Variants in PCDHGB5 observed in about 807,000 individuals in gnomAD.
PCDHGB5 encodes the protein protocadherin gamma subfamily B, 5, also known as protocadherin gamma-B5.
In PCDHGB5, 48 loss-of-function variants were observed where a neutral mutation model predicts 62.9. The ratio of observed to expected loss-of-function variants is 0.76; its 90% CI spans 0.61 to 0.97. The LOEUF is 0.97. Ranked by LOEUF, PCDHGB5 falls within the 50% of genes least tolerant of loss-of-function variation. The pLI is 0.00. For synonymous variants in PCDHGB5, 474 were observed against 511.2 expected (o/e 0.93, Z 0.98); for missense variants, 1,118 against 1,198.6 (o/e 0.93, Z 0.99).
In PCDHGB5 at chr5:141,430,592, C is replaced by G; in HGVS notation, c.2397+30068C>G. The G allele has an allele frequency of 9.2e-6, 5 of 544,570 alleles. No individual in the cohort carries two copies. In the South Asian group the frequency reaches 3.1e-4, roughly 34 times the overall value. The allele number at this position is 544,570 out of a possible 1,614,324, so 33.7% of individuals were successfully genotyped here. ...AAGCGGAGATCCTGCTCGCCTTGCACGCGCCTGAAGCACAAAGCAGATAGC... is the reference window on the plus strand; with the variant it reads ...AAGCGGAGATCCTGCTCGCCTTGCAGGCGCCTGAAGCACAAAGCAGATAGC... On this transcript the variant is annotated intron_variant, in intron 1 of 3. Coordinates refer to ENST00000617380, the MANE Select transcript of PCDHGB5 (RefSeq NM_018925.3).
At chr5:141,401,102 G>C (rs1372226488) in intron 1 of PCDHGB5, among the ~76,000 whole-genome samples, 3 of 152,150 alleles carry the variant, frequency 2.0e-5, no homozygotes, top group Non-Finnish European at 4.4e-5. Context: ...CCAGCACTTT[G>C]GGAGGCCGAG....
At chr5:141,426,432 C>T (rs1239073805) in intron 1 of PCDHGB5, 2 of 295,812 alleles carry the variant, frequency 6.8e-6, no homozygotes, top group African/African-American at 2.2e-5. Flanking sequence ...TGGTGGGGAA[C>T]CTTGCGGAGG....
chr5:141,433,352 T>C (rs976015031), intron 1 of PCDHGB5: 16 of 614,162 alleles, frequency 2.6e-5, no homozygotes, highest in Non-Finnish European at 3.7e-5. Flanking sequence ...AGCCACCTAC[T>C]GTCTGCCTAT....
At chr5:141,403,118 C>A (rs780657795) in intron 1 of PCDHGB5, 2 of 1,614,058 alleles carry the variant, frequency 1.2e-6, no homozygotes. Context: ...GGCTCTGGAG[C>A]CCCGGGAGCT....
Position 141,491,636 on chromosome 5 carries a change from C to T in PCDHGB5, c.2398-3171C>T. ...AGACCCCTCAGCGTTCAGCAGCCCA[C>T]AGCTCTGGCGCTGGAGCCTGACGCC... On this transcript the variant is annotated intron_variant, in intron 1 of 3. Coordinates refer to ENST00000617380, the MANE Select transcript of PCDHGB5 (RefSeq NM_018925.3). This position sits in a 1 kb window ranked among gnomAD's most constrained non-coding sequence, Gnocchi z 6.9. 6.2e-7 allele frequency: 1 copy of T among 1,613,922 alleles called. No homozygotes were observed. Among genetic ancestry groups the T allele is most frequent in the Non-Finnish European group, 8.5e-7 (1 of 1,180,020 alleles).
chr5:141,404,435 A>G, intron 1 of PCDHGB5: 2 of 1,613,032 alleles, frequency 1.2e-6, no homozygotes, highest in South Asian at 2.2e-5. Flanking sequence ...GGCAGAGGAT[A>G]CCATCCAAGG....
At chr5:141,438,633 TATACAC>T (rs1275936248) in intron 1 of PCDHGB5, among the ~76,000 whole-genome samples, 1,035 of 33,718 alleles carry the variant, frequency 0.031, 6 homozygotes, top group African/African-American at 0.063. Context: ...TATATATATA[TATACAC>T]ACACACACAC....
At chr5:141,484,889 TC>T (rs1312115219) in intron 1 of PCDHGB5, 2 of 362,958 alleles carry the variant, frequency 5.5e-6, no homozygotes, top group Admixed American at 8.9e-5. Flanking sequence ...GTGGGCTTTT[TC>T]CCCTCCAATG....
rs2097368013 is a variant in PCDHGB5 at position 141,431,382 on chromosome 5, A to G, written c.2397+30858A>G. 6 of 1,613,756 alleles carry G rather than the reference A, an allele frequency of 3.7e-6. No homozygotes were observed. In the East Asian group the frequency reaches 1.1e-4, roughly 30 times the overall value. On this transcript the variant is annotated intron_variant, in intron 1 of 3. Transcript: ENST00000617380. This position sits in a 1 kb window ranked among gnomAD's most constrained non-coding sequence, Gnocchi z 4.8. ...CTGGACCGCGAAGAAAAGGCTGCTC[A>G]CCACCTGGTCCTTACGGCCTCCGAC... is the stretch of plus-strand genomic sequence containing the variant.
intron 1 of PCDHGB5, chr5:141,478,233 TG>T (rs1467423955): frequency 3.7e-6 from 6 of 1,614,126 alleles, no homozygotes; most frequent in Non-Finnish European, 5.1e-6. Flanking sequence ...GTGGGGTTTG[TG>T]GTCACAGTGT....
chr5:141,415,375 G>A (rs1453832867), intron 1 of PCDHGB5: 12 of 1,614,258 alleles, frequency 7.4e-6, no homozygotes, highest in South Asian at 1.1e-5. Context: ...GGCTTCAGGA[G>A]GCGGCTTGAC....
chr5:141,421,395 G>A (rs2096569109), intron 1 of PCDHGB5: 1 of 1,613,950 alleles, frequency 6.2e-7, no homozygotes, highest in Admixed American at 1.7e-5. Flanking sequence ...TGGGGCTGGA[G>A]CCCCGGGAGC....
intron 2 of PCDHGB5, among the ~76,000 whole-genome samples, chr5:141,495,662 C>G (rs545912968): frequency 6.6e-6 from 1 of 152,138 alleles, no homozygotes; most frequent in Admixed American, 6.6e-5. Flanking sequence ...TGATCTGTGC[C>G]GCCCACTGTG....
chr5:141,419,300 T>G (rs2096356436), intron 1 of PCDHGB5: 3 of 1,613,998 alleles, frequency 1.9e-6, no homozygotes, highest in Non-Finnish European at 2.5e-6. Context: ...TGACCCAGAC[T>G]TCGGGCTCAA....
rs1418195492 is a variant in PCDHGB5 at position 141,431,459 on chromosome 5, G to T, written c.2397+30935G>T. 4 of 1,613,692 alleles carry T rather than the reference G, an allele frequency of 2.5e-6. No homozygotes were observed. The highest frequency in any genetic ancestry group is 3.4e-6 in the Non-Finnish European group (4 of 1,179,994). Reference sequence around the variant, plus strand: ...CGCGCGCATCCGCGTGATGGTTCTGGATGCGAACGACAACGCACCAGCGTT... The same window carrying T: ...CGCGCGCATCCGCGTGATGGTTCTGTATGCGAACGACAACGCACCAGCGTT... On this transcript the variant is annotated intron_variant, in intron 1 of 3. Transcript: ENST00000617380. This position sits in a 1 kb window ranked among gnomAD's most constrained non-coding sequence, Gnocchi z 4.8.
chr5:141,451,212 G>A (rs2098710632), intron 1 of PCDHGB5, among the ~76,000 whole-genome samples: 1 of 152,156 alleles, frequency 6.6e-6, no homozygotes, highest in Non-Finnish European at 1.5e-5. Context: ...AAACTTAGTG[G>A]CTTAAAAGAA....
chr5:141,458,512 T>TG (rs2098947554), intron 1 of PCDHGB5, among the ~76,000 whole-genome samples: 2 of 150,084 alleles, frequency 1.3e-5, no homozygotes, highest in African/African-American at 5.0e-5. Context: ...TTTGACACTT[T>TG]GTTTTTTTTT....
At chr5:141,403,178 T>G in intron 1 of PCDHGB5, 3 of 1,613,980 alleles carry the variant, frequency 1.9e-6, no homozygotes, top group Non-Finnish European at 2.5e-6. Context: ...GCAGCTTTTC[T>G]CTCTGAACCC....
rs756332070 is a variant in PCDHGB5, at chr5:141,431,578, C to A, written c.2397+31054C>A. The stretch of plus-strand genomic sequence containing the variant: ...ACGCTACCGACCCTGACGAAGGAGT[C>A]AATGCGGAAGTGAGGTATTCCTTCC... On this transcript the variant is annotated intron_variant, in intron 1 of 3. Transcript: ENST00000617380. This position sits in a 1 kb window ranked among gnomAD's most constrained non-coding sequence, Gnocchi z 4.8. 6.2e-7 allele frequency: 1 copy of A among 1,614,164 alleles called. No homozygotes were observed. Among genetic ancestry groups the A allele is most frequent in the African/African-American group, 1.3e-5 (1 of 75,060 alleles).
Sources: gnomAD v4.1 joint callset for allele counts (sites outside exome capture counted in the v4.1 genomes callset) on GRCh38, gnomAD v4.1.1 for gene constraint, Gnocchi (gnomAD v3.1) non-coding constraint, MANE v1.5 for transcripts, NCBI Gene and HGNC (gene_info 2026-07-23, HGNC 2026-07-21) for gene names.